Variants in MAP3K4 observed in about 807,000 individuals in gnomAD.
MAP3K4 encodes the protein mitogen-activated protein kinase kinase kinase 4, also known as MAP three kinase 1.
A neutral mutation model predicts 185.6 loss-of-function variants in MAP3K4; 67 were observed. The ratio of observed to expected loss-of-function variants is 0.36; its 90% CI spans 0.30 to 0.44. The LOEUF is 0.44. Ranked by LOEUF, MAP3K4 falls within the 20% of genes least tolerant of loss-of-function variation. MAP3K4 has a pLI of 1.00. For missense variants in MAP3K4, 1,551 were observed against 1,995.1 expected (o/e 0.78, Z 4.24); for synonymous variants, 702 against 710.4 (o/e 0.99, Z 0.19).
In MAP3K4 at chr6:161,108,020, A is replaced by G; in HGVS notation, c.4119+51A>G. ...TTTGGGCCTGGCGGCTCTGGGTGAT[A>G]GAAATTCCGTATAGACGCTGGTCGT... On this transcript the variant is annotated intron_variant, in intron 21 of 26. Transcript: ENST00000392142. The surrounding 1 kb of genome is among the most constrained non-coding windows in gnomAD (Gnocchi z 5.7). 1.3e-6 allele frequency: 2 copies of G among 1,527,232 alleles called. No homozygotes were observed. The highest frequency in any genetic ancestry group is 1.8e-6 in the Non-Finnish European group (2 of 1,106,068). 94.6% of individuals were successfully genotyped at this position (1,527,232 alleles called of 1,614,324 possible).
intron 3 of MAP3K4, among the ~76,000 whole-genome samples, chr6:161,057,785 A>G (rs1418847272): frequency 6.6e-6 from 1 of 152,254 alleles, no homozygotes; most frequent in African/African-American, 2.4e-5. Flanking sequence ...TAAGATTACA[A>G]GAACTTTGTA....
intron 2 of MAP3K4, among the ~76,000 whole-genome samples, chr6:161,047,267 C>A (rs1783774424): frequency 1.8e-5 from 2 of 110,706 alleles, no homozygotes; most frequent in African/African-American, 5.7e-5. Context: ...ATAGTGGGAT[C>A]CTGTCTCTAC....
At position 161,106,842 on chromosome 6, in the gene MAP3K4, A is replaced by C; in HGVS notation, c.4048+137A>C. On this transcript the variant is annotated intron_variant, in intron 20 of 26. Transcript: ENST00000392142. This position sits in a 1 kb window ranked among gnomAD's most constrained non-coding sequence, Gnocchi z 4.9. Reference sequence around the variant, plus strand: ...CAAGTATGCATTGTTATCTTTTTGCAAAGTGGTCTGGATTTTTTTTGGTTG... The same window carrying C: ...CAAGTATGCATTGTTATCTTTTTGCCAAGTGGTCTGGATTTTTTTTGGTTG... The C allele has an allele frequency of 1.7e-6, 1 of 591,606 alleles. No homozygotes were observed. The highest frequency in any genetic ancestry group is 1.9e-5 in the African/African-American group (1 of 53,482). 36.6% of individuals were successfully genotyped at this position (591,606 alleles called of 1,614,324 possible).
rs578084165 is a variant in MAP3K4 at position 161,034,997 on chromosome 6, C to G, written c.343+548C>G. 6.6e-6 allele frequency among the ~76,000 whole-genome samples: 1 copy of G among 152,124 alleles called. No individual in the cohort carries two copies. The highest frequency in any genetic ancestry group is 1.5e-5 in the Non-Finnish European group (1 of 68,032). On this transcript the variant is annotated intron_variant, in intron 2 of 26. Transcript: ENST00000392142. This position sits in a 1 kb window ranked among gnomAD's most constrained non-coding sequence, Gnocchi z 4.4. ...TTCTACTTTTCTCTTTATTTAGGAT[C>G]GTAAAGTCCACATATTGCTCTATTA...
chr6:161,005,852 A>G (rs1781558469), intron 1 of MAP3K4, among the ~76,000 whole-genome samples: 2 of 151,794 alleles, frequency 1.3e-5, no homozygotes, highest in African/African-American at 4.8e-5. Context: ...CAGTGGTGCA[A>G]TCTTGGCTCA....
rs1583220530 is a variant in MAP3K4, at chr6:161,091,357, A to T, written c.2974-22A>T. 6.3e-7 allele frequency: 1 copy of T among 1,597,690 alleles called. No individual in the cohort carries two copies. The highest frequency in any genetic ancestry group is 2.2e-5 in the East Asian group (1 of 44,488). On this transcript the variant is annotated intron_variant, in intron 11 of 26. Transcript: ENST00000392142. This position sits in a 1 kb window ranked among gnomAD's most constrained non-coding sequence, Gnocchi z 5.5. Reference sequence around the variant, plus strand: ...TGTATGATTTGCTTCATTTTGCATTAATCATGGTTTGGACTCTTCAGAATG... The same window carrying T: ...TGTATGATTTGCTTCATTTTGCATTTATCATGGTTTGGACTCTTCAGAATG...
In MAP3K4 at chr6:161,087,633, A is replaced by G; in HGVS notation, c.2557-55A>G. 6.3e-7 allele frequency: 1 copy of G among 1,582,178 alleles called. No individual in the cohort carries two copies. Among genetic ancestry groups the G allele is most frequent in the Non-Finnish European group, 8.6e-7 (1 of 1,160,050 alleles). ...TCCTTTCCTAGGTTTGTTTTAAATA[A>G]CCTATTTCTCTAATGTACAGTGTTC... is the stretch of plus-strand genomic sequence containing the variant. On this transcript the variant is annotated intron_variant, in intron 9 of 26. Coordinates refer to ENST00000392142, the MANE Select transcript of MAP3K4 (RefSeq NM_005922.4). The surrounding 1 kb of genome is among the most constrained non-coding windows in gnomAD (Gnocchi z 4.9).
rs1451133504 is a variant in MAP3K4, at chr6:161,022,881, AG to A, written c.153-11377del. Among the ~76,000 whole-genome samples, 12 of 152,194 alleles carry A rather than the reference AG, an allele frequency of 7.9e-5. No homozygotes were observed. The highest frequency in any genetic ancestry group is 1.7e-4 in the African/African-American group (7 of 41,442). On this transcript the variant is annotated intron_variant, in intron 1 of 26. Coordinates refer to ENST00000392142, the MANE Select transcript of MAP3K4 (RefSeq NM_005922.4). The surrounding 1 kb of genome is among the most constrained non-coding windows in gnomAD (Gnocchi z 4.2). Reference sequence around the variant, plus strand: ...ATGATATCGAGCATAGTACTTACCAAGCATGGTAAGTACTCCGTGCCTAACG... The same window carrying A: ...ATGATATCGAGCATAGTACTTACCAACATGGTAAGTACTCCGTGCCTAACG...
chr6:161,072,505 T>C (rs1437579703), intron 4 of MAP3K4, among the ~76,000 whole-genome samples: 2 of 152,228 alleles, frequency 1.3e-5, no homozygotes, highest in Non-Finnish European at 2.9e-5. Flanking sequence ...TTCTACTGTA[T>C]AGGCACATCA....
At position 161,103,177 on chromosome 6, in the gene MAP3K4, C is replaced by T. The variant is rs1777910686; in HGVS notation, c.3856+398C>T. Among the ~76,000 whole-genome samples, 1 of 152,138 alleles carries T rather than the reference C, an allele frequency of 6.6e-6. No individual in the cohort carries two copies. The highest frequency in any genetic ancestry group is 1.5e-5 in the Non-Finnish European group (1 of 68,020). On this transcript the variant is annotated intron_variant, in intron 19 of 26. Transcript: ENST00000392142. This position sits in a 1 kb window ranked among gnomAD's most constrained non-coding sequence, Gnocchi z 4.6. The stretch of plus-strand genomic sequence containing the variant: ...AACAAATAGCAGAAAAATCATTGGT[C>T]TAGTATTTAATGATCTATAAAATGC...
chr6:161,010,583 A>T (rs1938925818), intron 1 of MAP3K4, among the ~76,000 whole-genome samples: 1 of 152,052 alleles, frequency 6.6e-6, no homozygotes, highest in African/African-American at 2.4e-5. Flanking sequence ...ACAATTGCCT[A>T]CTCTTTATTT....
Position 161,074,438 on chromosome 6 carries a change from C to T in MAP3K4, c.2097+826C>T, listed in dbSNP as rs557198831. Among the ~76,000 whole-genome samples, 1 of 152,284 alleles carries T rather than the reference C, an allele frequency of 6.6e-6. No individual in the cohort carries two copies. The highest frequency in any genetic ancestry group is 2.1e-4 in the South Asian group (1 of 4,830). ...AGGCTTACTTTCAGGTTTTATTTTT[C>T]TCTAGAAAGCTTTATCTGACAGTTT... is the stretch of plus-strand genomic sequence containing the variant. On this transcript the variant is annotated intron_variant, in intron 5 of 26. Coordinates refer to ENST00000392142, the MANE Select transcript of MAP3K4 (RefSeq NM_005922.4). This position sits in a 1 kb window ranked among gnomAD's most constrained non-coding sequence, Gnocchi z 5.0.
chr6:161,111,758 T>C, intron 23 of MAP3K4, 78 bp from the exon 24 acceptor site: 1 of 1,382,786 alleles, frequency 7.2e-7, no homozygotes, highest in Non-Finnish European at 1.0e-6. Context: ...ATGAAGTTCC[T>C]GGTCGTTTAG....
chr6:161,023,822 A>G (rs1338019604), intron 1 of MAP3K4, among the ~76,000 whole-genome samples: 2 of 152,220 alleles, frequency 1.3e-5, no homozygotes, highest in East Asian at 1.9e-4. Context: ...TTATAATTTT[A>G]CATTTTTAAG....
chr6:161,000,215 T>A (rs1264104624), intron 1 of MAP3K4, among the ~76,000 whole-genome samples: 1 of 152,222 alleles, frequency 6.6e-6, no homozygotes, highest in African/African-American at 2.4e-5. Flanking sequence ...TATTAAAAAT[T>A]GTTCATCATA....
chr6:161,088,065 T>A lies in MAP3K4; in HGVS notation c.2823+111T>A. The A allele has an allele frequency of 9.1e-7, 1 of 1,103,062 alleles. No individual in the cohort carries two copies. Among genetic ancestry groups the A allele is most frequent in the Non-Finnish European group, 1.3e-6 (1 of 790,932 alleles). 68.3% of individuals were successfully genotyped at this position (1,103,062 alleles called of 1,614,324 possible). A position where few individuals can be genotyped will look rare whatever the true frequency, so the allele number is the denominator to read the frequency against. On this transcript the variant is annotated intron_variant, in intron 10 of 26. Transcript: ENST00000392142. The surrounding 1 kb of genome is among the most constrained non-coding windows in gnomAD (Gnocchi z 4.5). ...TTGACTACCCTAGTAATCACAAGTA[T>A]ATACTTCCCAAAAATATGCCTCAAT...
At chr6:161,013,786 A>G (rs923014407) in intron 1 of MAP3K4, among the ~76,000 whole-genome samples, 7 of 152,222 alleles carry the variant, frequency 4.6e-5, no homozygotes, top group African/African-American at 1.7e-4. Flanking sequence ...TTACATGTAA[A>G]TTAAGGGGCA....
intron 1 of MAP3K4, among the ~76,000 whole-genome samples, chr6:160,999,351 A>T (rs952277017): frequency 6.6e-6 from 1 of 152,228 alleles, no homozygotes; most frequent in Non-Finnish European, 1.5e-5. Context: ...AAAATCCTAA[A>T]GTCTTTTTAT....
chr6:161,097,119 G>A lies in MAP3K4; in HGVS notation c.3467G>A (p.Arg1156Gln), dbSNP rs776351500. 8.1e-6 allele frequency: 13 copies of A among 1,613,942 alleles called. No individual in the cohort carries two copies. The highest frequency in any genetic ancestry group is 1.1e-5 in the Non-Finnish European group (13 of 1,180,008). ...AGCCCCCGTCCTATGAAGGTACCTCGATGCCATAGTGACCCTCCTAACCCA... is the reference window on the plus strand; with the variant it reads ...AGCCCCCGTCCTATGAAGGTACCTCAATGCCATAGTGACCCTCCTAACCCA... ...RNSPRPMKVP[R>Q]CHSDPPNPHL... Residue 1156 changes from arginine (R) to glutamine (Q), a missense_variant, in exon 16 of 27, where the codon CGA (arginine) becomes CAA (glutamine). Arg to Gln is a conservative substitution (Grantham distance 43). Coordinates refer to ENST00000392142, the MANE Select transcript of MAP3K4 (RefSeq NM_005922.4). This position sits in a 1 kb window ranked among gnomAD's most constrained non-coding sequence, Gnocchi z 4.9.
Sources: allele counts gnomAD v4.1 joint callset (sites outside exome capture counted in the v4.1 genomes callset), GRCh38; gene constraint gnomAD v4.1.1; non-coding constraint Gnocchi (gnomAD v3.1); transcripts MANE v1.5; gene names NCBI Gene and HGNC (gene_info 2026-07-23, HGNC 2026-07-21).